The following TEX14 variants were observed in gnomAD, a reference collection of about 807,000 sequenced individuals.
TEX14 encodes the protein testis expressed 14, intercellular bridge forming factor.
In TEX14, 168 loss-of-function variants were observed where a neutral mutation model predicts 178.6. The ratio of observed to expected loss-of-function variants is 0.94; its 90% CI spans 0.83 to 1.07. The LOEUF is 1.07. TEX14 is among the 50% of genes least tolerant of loss of function. TEX14 has a pLI of 0.00. For missense variants in TEX14, 1,730 were observed against 1,753.6 expected (o/e 0.99, Z 0.24); for synonymous variants, 626 against 634.1 (o/e 0.99, Z 0.19).
Position 58,622,965 on chromosome 17 carries a change from C to T in TEX14, c.299G>A (p.Gly100Asp). 6.2e-7 allele frequency: 1 copy of T among 1,610,826 alleles called. No homozygotes were observed. Among genetic ancestry groups the T allele is most frequent in the East Asian group, 2.2e-5 (1 of 44,784 alleles). The change falls in exon 4 of 32, where the codon GGC becomes GAC. Residue 100 changes from glycine (G) to aspartate (D), a missense_variant. Gly to Asp is a moderately conservative substitution (Grantham distance 94). Coordinates refer to ENST00000349033, the MANE Select transcript of TEX14 (RefSeq NM_031272.5). ...STPVHAAAFS[G>D]NQWILSKLLD... is the part of the protein sequence containing the mutation. ...CAGTTTGCTAAGGATCCACTGATTG[C>T]CCGAAAATGCTGCTGCATGGACAGG...
rs113078995 is a variant in TEX14 at position 58,663,108 on chromosome 17, C to CA, written c.-1-11107dup. ...TGGGTGACAGAGTGAGACTCCGTCT[C>CA]AAAAAAAAAAAAAAAGAAAAGTCAT... is the stretch of plus-strand genomic sequence containing the variant. On this transcript the variant is annotated intron_variant, in intron 1 of 31. Coordinates refer to ENST00000349033, the MANE Select transcript of TEX14 (RefSeq NM_031272.5). Among the ~76,000 whole-genome samples the CA allele has an allele frequency of 6.2e-3, 477 of 76,714 alleles. 1 individual carries two copies. The highest frequency in any genetic ancestry group is 0.016 in the Middle Eastern group (1 of 64). The allele number at this position is 76,714 out of a possible 152,430, so 50.3% of individuals were successfully genotyped here.
At chr17:58,602,734 C>A in intron 11 of TEX14, 144 bp from the exon 12 acceptor site, 1 of 627,000 alleles carries the variant, frequency 1.6e-6, no homozygotes. Flanking sequence ...ACTTTAGAAA[C>A]AATTCATTTC....
chr17:58,682,905 G>A (rs981021681), intron 1 of TEX14, among the ~76,000 whole-genome samples: 1 of 152,074 alleles, frequency 6.6e-6, no homozygotes, highest in Non-Finnish European at 1.5e-5. Flanking sequence ...CCTTTGAGAA[G>A]AGCCTCATTT....
chr17:58,615,154 G>C (rs530133618), intron 8 of TEX14, 78 bp downstream of exon 8: 9 of 773,160 alleles, frequency 1.2e-5, no homozygotes, highest in Non-Finnish European at 2.0e-5. Context: ...CCCTATCCCA[G>C]GCACAGAGCT....
At chr17:58,664,305 G>GC (rs1448394308) in intron 1 of TEX14, among the ~76,000 whole-genome samples, 4 of 152,078 alleles carry the variant, frequency 2.6e-5, no homozygotes, top group South Asian at 2.1e-4. Context: ...GATTATTTGT[G>GC]CCCCCTCATG....
At chr17:58,655,435 G>A (rs1448512060) in intron 1 of TEX14, among the ~76,000 whole-genome samples, 1 of 152,026 alleles carries the variant, frequency 6.6e-6, no homozygotes, top group African/African-American at 2.4e-5. Context: ...ACCCGCCTCT[G>A]CCTCCCAAAG....
intron 2 of TEX14, among the ~76,000 whole-genome samples, chr17:58,635,284 T>C (rs2046408484): frequency 6.6e-6 from 1 of 152,192 alleles, no homozygotes; most frequent in South Asian, 2.1e-4. Context: ...TTTATAGTTA[T>C]TGACAAGAAG....
At chr17:58,622,206 G>T (rs1205962684) in intron 4 of TEX14, among the ~76,000 whole-genome samples, 1 of 152,146 alleles carries the variant, frequency 6.6e-6, no homozygotes, top group East Asian at 1.9e-4. Context: ...CAGCACTTTG[G>T]GAGGCCAAGG....
chr17:58,581,890 C>T (rs1461171922), intron 19 of TEX14, among the ~76,000 whole-genome samples: 2 of 152,202 alleles, frequency 1.3e-5, no homozygotes, highest in South Asian at 2.1e-4. Context: ...GTGCCTCTGC[C>T]TTCCCTTCCT....
chr17:58,599,273 T>C lies in TEX14; in HGVS notation c.2072A>G (p.Asp691Gly), dbSNP rs747568072. The C allele has an allele frequency of 6.2e-7, 1 of 1,613,546 alleles. No individual in the cohort carries two copies. The highest frequency in any genetic ancestry group is 8.5e-7 in the Non-Finnish European group (1 of 1,180,024). Residue 691 changes from aspartate to glycine, a missense_variant, in exon 14 of 32, where the codon GAT becomes GGT. Around this residue, in one of 2 missense-constraint regions of TEX14, gnomAD observed 941 missense variants for 1,072.4 expected, o/e 0.88. Coordinates refer to ENST00000349033, the MANE Select transcript of TEX14 (RefSeq NM_031272.5). ...SSKAETEYSF[D>G]DWDWQNGSLS... ...TGAACCGTTTTGCCAGTCCCAGTCA[T>C]CAAAAGAGTACTCTGTCTCAGCTTT...
At chr17:58,608,188 C>G (rs545674946) in intron 10 of TEX14, among the ~76,000 whole-genome samples, 1 of 152,098 alleles carries the variant, frequency 6.6e-6, no homozygotes, top group African/African-American at 2.4e-5. Flanking sequence ...GAGGCTGAGG[C>G]GGGTGGATCA....
chr17:58,568,861 T>G (rs761815134), intron 26 of TEX14, among the ~76,000 whole-genome samples: 4 of 152,190 alleles, frequency 2.6e-5, no homozygotes, highest in Admixed American at 6.5e-5. Context: ...ATGGCTGGTT[T>G]GGTCTGAAAA....
At chr17:58,613,868 TG>T (rs1208472359) in intron 8 of TEX14, among the ~76,000 whole-genome samples, 4 of 152,184 alleles carry the variant, frequency 2.6e-5, no homozygotes, top group Admixed American at 2.6e-4. Flanking sequence ...GGTTTCACCA[TG>T]TTGGCCAGGC....
intron 16 of TEX14, 93 bp from the exon 17 acceptor site, chr17:58,587,759 A>G: frequency 8.7e-7 from 1 of 1,155,452 alleles, no homozygotes; most frequent in Non-Finnish European, 1.3e-6. Flanking sequence ...AAAGCCCACC[A>G]GCCCATCCAG....
chr17:58,591,564 C>T (rs940127062), intron 15 of TEX14, among the ~76,000 whole-genome samples: 1 of 152,024 alleles, frequency 6.6e-6, no homozygotes, highest in Non-Finnish European at 1.5e-5. Flanking sequence ...CATTTTCCTT[C>T]ATTTTCCCTT....
chr17:58,657,192 A>G (rs142398940), intron 1 of TEX14, among the ~76,000 whole-genome samples: 1,701 of 151,946 alleles, frequency 0.011, 36 homozygotes, highest in African/African-American at 0.039. Context: ...CTGATCTCGA[A>G]CTCCTGGGCT....
At chr17:58,637,531 A>G (rs2046462907) in intron 2 of TEX14, among the ~76,000 whole-genome samples, 1 of 152,216 alleles carries the variant, frequency 6.6e-6, no homozygotes, top group Admixed American at 6.5e-5. Context: ...TACCATACCT[A>G]CGTAATGAAG....
chr17:58,587,685 T>C lies in TEX14; in HGVS notation c.2703-19A>G, dbSNP rs200698988. On this transcript the variant is annotated intron_variant, in intron 16 of 31. Coordinates refer to ENST00000349033, the MANE Select transcript of TEX14 (RefSeq NM_031272.5). ...ACTCATCCTGAATTGCACGGGTTTTTTGGAGGTAGGGGGAGCGGGGTGGAC... is the reference window on the plus strand; with the variant it reads ...ACTCATCCTGAATTGCACGGGTTTTCTGGAGGTAGGGGGAGCGGGGTGGAC... 1.4e-3 allele frequency: 2,226 copies of C among 1,575,584 alleles called. 9 individuals are homozygous for C. The highest frequency in any genetic ancestry group is 5.0e-3 in the South Asian group (443 of 87,984).
intron 3 of TEX14, among the ~76,000 whole-genome samples, chr17:58,623,460 T>A (rs1490130849): frequency 6.6e-6 from 1 of 151,940 alleles, no homozygotes; most frequent in Admixed American, 6.6e-5. Context: ...TGAGAATGTC[T>A]CCCCACAGCC....
Sources: gnomAD v4.1 joint callset for allele counts (sites outside exome capture counted in the v4.1 genomes callset) on GRCh38, gnomAD v4.1.1 for gene constraint, gnomAD v4.1.1 regional missense constraint, MANE v1.5 for transcripts, NCBI Gene and HGNC (gene_info 2026-07-23, HGNC 2026-07-21) for gene names.